SIPA1L3: variants seen among roughly 807,000 people sequenced by gnomAD.
The protein encoded by SIPA1L3 is signal-induced proliferation-associated 1-like protein 3.
Under a neutral mutation model 150.1 loss-of-function variants are expected in SIPA1L3, and 59 were observed. That is an observed-to-expected ratio of 0.39 (90% confidence interval 0.32 to 0.49). The LOEUF is 0.49. Ranked by LOEUF, SIPA1L3 falls within the 20% of genes least tolerant of loss-of-function variation. The probability of loss-of-function intolerance (pLI) is 0.86; values close to 1 mark genes in which losing one functional copy is unlikely to be tolerated. For synonymous variants in SIPA1L3, 1,070 were observed against 1,077.6 expected, an observed-to-expected ratio of 0.99 and a Z score of 0.14; for missense variants, 2,211 against 2,489.5, an observed-to-expected ratio of 0.89 and a Z score of 2.38.
At chr19:38,132,593 A>AAG (rs1555790414) in intron 10 of SIPA1L3, among the ~76,000 whole-genome samples, 1 of 151,292 alleles carries the variant, frequency 6.6e-6, no homozygotes, top group Admixed American at 6.6e-5. Context: ...TCAAAAAAAA[A>AAG]AAAAAAGAAA....
At chr19:38,200,035 C>G (rs1003809803) in intron 19 of SIPA1L3, 4 of 152,060 alleles carry the variant, frequency 2.6e-5, no homozygotes, top group Admixed American at 1.3e-4. Flanking sequence ...TCGAGACCAG[C>G]CTGGGCATCG....
chr19:37,941,732 T>G (rs1043845977), intron 1 of SIPA1L3, among the ~76,000 whole-genome samples: 3 of 152,230 alleles, frequency 2.0e-5, no homozygotes, highest in African/African-American at 7.2e-5. Flanking sequence ...TTATAGTCTT[T>G]GGTGAGTTCC....
intron 10 of SIPA1L3, chr19:38,131,784 C>T (rs933412989): frequency 6.6e-6 from 1 of 152,202 alleles, no homozygotes; most frequent in Non-Finnish European, 1.5e-5. Flanking sequence ...AGGCACGTGC[C>T]ACCACGCCCA....
At chr19:37,943,154 C>T (rs561157739) in intron 1 of SIPA1L3, among the ~76,000 whole-genome samples, 257 of 150,764 alleles carry the variant, frequency 1.7e-3, no homozygotes, top group Non-Finnish European at 3.0e-3. Context: ...GGATTCTAGG[C>T]GTGAGTCACT....
chr19:37,957,522 TA>T (rs1171418727), intron 1 of SIPA1L3, among the ~76,000 whole-genome samples: 1 of 152,146 alleles, frequency 6.6e-6, no homozygotes, highest in African/African-American at 2.4e-5. Context: ...GTATTTTTTT[TA>T]TGCTATTGTG....
intron 19 of SIPA1L3, among the ~76,000 whole-genome samples, chr19:38,201,344 C>G (rs1338554909): frequency 6.6e-6 from 1 of 152,220 alleles, no homozygotes; most frequent in Non-Finnish European, 1.5e-5. Context: ...ACTGGCAGCC[C>G]CGTGCGATTT....
Position 38,164,958 on chromosome 19 carries a change from C to T in SIPA1L3, c.4208+52C>T. On this transcript the variant is annotated intron_variant, in intron 15 of 21. Coordinates refer to ENST00000222345, the MANE Select transcript of SIPA1L3 (RefSeq NM_015073.3). This position sits in a 1 kb window ranked among gnomAD's most constrained non-coding sequence, Gnocchi z 4.1. ...CTAACCACCTTCCACTTCGCCAGTT[C>T]TACTTTTACGGTCCTGATGGTGGGG... is the stretch of plus-strand genomic sequence containing the variant. 6.8e-7 allele frequency: 1 copy of T among 1,462,220 alleles called. No individual in the cohort carries two copies. The highest frequency in any genetic ancestry group is 9.1e-7 in the Non-Finnish European group (1 of 1,102,892). The allele number at this position is 1,462,220 out of a possible 1,614,324, so 90.6% of individuals were successfully genotyped here.
intron 2 of SIPA1L3, among the ~76,000 whole-genome samples, chr19:38,076,518 G>A (rs905865903): frequency 6.6e-6 from 1 of 152,156 alleles, no homozygotes; most frequent in African/African-American, 2.4e-5. Context: ...CTCCGCATGA[G>A]CAGTTTGTCT....
chr19:38,196,562 G>A (rs1972951072), intron 18 of SIPA1L3, among the ~76,000 whole-genome samples: 2 of 150,470 alleles, frequency 1.3e-5, no homozygotes, highest in African/African-American at 4.9e-5. Context: ...GGCGGAGCGT[G>A]GAGGTCAAGG....
intron 1 of SIPA1L3, among the ~76,000 whole-genome samples, chr19:37,938,624 C>CT (rs759856556): frequency 0.02 from 2,564 of 131,260 alleles, 41 homozygotes; most frequent in Non-Finnish European, 0.025. Context: ...TTTCTTTTTT[C>CT]TTTTTTTTTT....
At chr19:37,911,401 A>T (rs1343977841) in intron 1 of SIPA1L3, among the ~76,000 whole-genome samples, 2 of 151,936 alleles carry the variant, frequency 1.3e-5, no homozygotes, top group African/African-American at 4.8e-5. Flanking sequence ...TTACATATAG[A>T]TCTGGCTTAT....
chr19:38,062,469 G>A (rs1969466470), intron 2 of SIPA1L3, among the ~76,000 whole-genome samples: 1 of 152,214 alleles, frequency 6.6e-6, no homozygotes, highest in Non-Finnish European at 1.5e-5. Context: ...AGGATGCTGT[G>A]TGGGCTCAGT....
At position 38,077,597 on chromosome 19, in the gene SIPA1L3, C is replaced by T. The variant is rs558025123; in HGVS notation, c.-310-3659C>T. ...ACTATTAGTTTTTTGAAAATTCTTC[C>T]GATCATCTCTGCATGATAGTTTGTT... On this transcript the variant is annotated intron_variant, in intron 2 of 21. Coordinates refer to ENST00000222345, the MANE Select transcript of SIPA1L3 (RefSeq NM_015073.3). 1.8e-4 allele frequency among the ~76,000 whole-genome samples: 27 copies of T among 151,164 alleles called. 1 individual carries two copies. Among genetic ancestry groups the T allele is most frequent in the Admixed American group, 1.1e-3 (16 of 15,188 alleles).
chr19:38,109,892 A>T (rs370554943), intron 7 of SIPA1L3: 1 of 262,384 alleles, frequency 3.8e-6, no homozygotes. Flanking sequence ...TAACGTAGTC[A>T]GCAAAGGCCT....
At chr19:38,155,856 C>T (rs1971935634) in intron 13 of SIPA1L3, among the ~76,000 whole-genome samples, 2 of 151,972 alleles carry the variant, frequency 1.3e-5, no homozygotes, top group Non-Finnish European at 2.9e-5. Context: ...CGAGGCAGGC[C>T]GATCTCCTGA....
intron 1 of SIPA1L3, among the ~76,000 whole-genome samples, chr19:37,978,967 G>A (rs750254997): frequency 1.3e-5 from 2 of 151,750 alleles, no homozygotes; most frequent in South Asian, 4.2e-4. Context: ...CAGAGACCCC[G>A]TCTCAAAAAC....
chr19:38,053,465 C>T (rs1969244825), intron 2 of SIPA1L3, among the ~76,000 whole-genome samples: 1 of 152,184 alleles, frequency 6.6e-6, no homozygotes, highest in South Asian at 2.1e-4. Flanking sequence ...TAGTAATAGC[C>T]ATGGACACTT....
At chr19:38,176,283 G>A (rs772763839) in intron 15 of SIPA1L3, among the ~76,000 whole-genome samples, 10 of 152,040 alleles carry the variant, frequency 6.6e-5, no homozygotes, top group Non-Finnish European at 1.3e-4. Flanking sequence ...AAAGTATTGG[G>A]ATTACAGGCG....
Position 38,089,328 on chromosome 19 carries a change from C to CAA in SIPA1L3, c.1665+495_1665+496dup, listed in dbSNP as rs55806031. On this transcript the variant is annotated intron_variant, in intron 4 of 21. Transcript: ENST00000222345. The stretch of plus-strand genomic sequence containing the variant: ...GTGACAGAGTGGTGAGACTGTGTCT[C>CAA]AAAAAAAAAAAAAAAAAAAGAAAAA... Among the ~76,000 whole-genome samples the CAA allele has an allele frequency of 3.7e-3, 239 of 64,068 alleles. 4 individuals are homozygous for CAA. Among genetic ancestry groups the CAA allele is most frequent in the African/African-American group, 0.01 (206 of 19,682 alleles). The allele number at this position is 64,068 out of a possible 152,430, so 42.0% of individuals were successfully genotyped here. A position where few individuals can be genotyped will look rare whatever the true frequency, so the allele number is the denominator to read the frequency against.
Sources: allele counts gnomAD v4.1 joint callset (sites outside exome capture counted in the v4.1 genomes callset), GRCh38; gene constraint gnomAD v4.1.1; non-coding constraint Gnocchi (gnomAD v3.1); transcripts MANE v1.5; gene names NCBI Gene and HGNC (gene_info 2026-07-23, HGNC 2026-07-21).